The following SNX18 variants were observed in gnomAD, a reference collection of about 807,000 sequenced individuals.
SNX18 encodes sorting nexin 18, also known as sorting nexin-18.
Under a neutral mutation model 48.7 loss-of-function variants are expected in SNX18, and 35 were observed. The ratio of observed to expected loss-of-function variants is 0.72; its 90% CI spans 0.55 to 0.95. The LOEUF is 0.95. Ranked by LOEUF, SNX18 falls within the 40% of genes least tolerant of loss-of-function variation. The probability of loss-of-function intolerance (pLI) is 0.00; values close to 1 mark genes in which losing one functional copy is unlikely to be tolerated. For missense variants in SNX18, 824 were observed against 871.0 expected, an observed-to-expected ratio of 0.95 and a Z score of 0.68; for synonymous variants, 492 against 384.7, an observed-to-expected ratio of 1.28 and a Z score of -3.26.
intron 1 of SNX18, among the ~76,000 whole-genome samples, chr5:54,530,868 C>T (rs543811271): frequency 2.7e-5 from 4 of 149,718 alleles, no homozygotes; most frequent in East Asian, 2.0e-4. Context: ...TCTCCTGCCT[C>T]GGCCTCCTGA....
chr5:54,569,953 A>T, the SNX18 span, among the ~76,000 whole-genome samples: 1 of 152,072 alleles, frequency 6.6e-6, no homozygotes, highest in Admixed American at 6.6e-5. Context: ...TTATTTTTTT[A>T]TATATATAAC....
chr5:54,614,864 T>A, the SNX18 span, among the ~76,000 whole-genome samples: 2 of 152,140 alleles, frequency 1.3e-5, no homozygotes, highest in African/African-American at 4.8e-5. Flanking sequence ...CTATTCCAGG[T>A]ACTGTCTTAA....
chr5:54,578,471 C>T, the SNX18 span, among the ~76,000 whole-genome samples: 4 of 152,170 alleles, frequency 2.6e-5, no homozygotes, highest in African/African-American at 7.2e-5. Flanking sequence ...TCCAAGGAAG[C>T]CTGGGGTCAG....
chr5:54,548,095 G>T (rs1166010751), downstream of SNX18, among the ~76,000 whole-genome samples: 1 of 152,114 alleles, frequency 6.6e-6, no homozygotes, highest in Non-Finnish European at 1.5e-5. Context: ...GCCTTTCCAG[G>T]GATCACAAGT....
the SNX18 span, among the ~76,000 whole-genome samples, chr5:54,587,089 T>A: frequency 6.6e-6 from 1 of 152,110 alleles, no homozygotes. Flanking sequence ...GAACAGATAT[T>A]CCCCTGGGAT....
At chr5:54,638,766 G>A in the SNX18 span, among the ~76,000 whole-genome samples, 1 of 152,076 alleles carries the variant, frequency 6.6e-6, no homozygotes, top group African/African-American at 2.4e-5. Flanking sequence ...AAGAAAACAA[G>A]CATAGAGAGA....
the SNX18 span, among the ~76,000 whole-genome samples, chr5:54,622,114 T>C: frequency 6.6e-6 from 1 of 152,252 alleles, no homozygotes; most frequent in Non-Finnish European, 1.5e-5. Context: ...AAAATGATGC[T>C]ATTTATTTGT....
chr5:54,519,349 A>G lies in SNX18; in HGVS notation c.1397A>G (p.Lys466Arg). Residue 466 changes from lysine (K) to arginine (R), a missense_variant, in exon 1 of 2, where the codon AAG becomes AGG. By Grantham distance (26) the Lys-to-Arg change is conservative. Around this residue, in one of 3 missense-constraint regions of SNX18, gnomAD observed 443 missense variants for 503.6 expected, o/e 0.88. Coordinates refer to ENST00000381410, the MANE Select transcript of SNX18 (RefSeq NM_001102575.2). The stretch of plus-strand genomic sequence containing the variant: ...ACCGGCTTCAAAAAGGAGTATCAGA[A>G]GGTGGGCCAGTCCTTCCGCGGCCTC... ...QVTGFKKEYQKVGQSFRGLSQ... is the reference protein window; with the variant it reads ...QVTGFKKEYQRVGQSFRGLSQ... 1 of 1,613,430 alleles carries G rather than the reference A, an allele frequency of 6.2e-7. No individual in the cohort carries two copies. The highest frequency in any genetic ancestry group is 8.5e-7 in the Non-Finnish European group (1 of 1,179,552).
chr5:54,542,158 A>G (rs1253256862), intron 1 of SNX18, among the ~76,000 whole-genome samples: 2 of 151,942 alleles, frequency 1.3e-5, no homozygotes, highest in African/African-American at 4.8e-5. Context: ...CTTTATTACT[A>G]CTCATTCCTA....
At chr5:54,625,549 G>A in the SNX18 span, among the ~76,000 whole-genome samples, 4 of 152,072 alleles carry the variant, frequency 2.6e-5, no homozygotes, top group African/African-American at 9.7e-5. Flanking sequence ...GAGACAGGGT[G>A]GGCAAGGCAG....
At chr5:54,644,068 G>A in the SNX18 span, 1 of 152,178 alleles carries the variant, frequency 6.6e-6, no homozygotes, top group Non-Finnish European at 1.5e-5. Context: ...CATAACCTTA[G>A]GGACAATAAG....
rs1461464495 is a variant in SNX18 at position 54,543,423 on chromosome 5, T to C, written c.1866T>C (p.Asp622=). ...TGGAAGAAGCTCTTCACAAATATGA[T>C]AGTGTTTAATGACTGGACGTTGGAT... ...QKLEEALHKY[D]SV Residue 622 remains aspartate (D), a synonymous_variant, in exon 2 of 2, where the codon GAT becomes GAC. Coordinates refer to ENST00000381410, the MANE Select transcript of SNX18 (RefSeq NM_001102575.2). The C allele has an allele frequency of 6.2e-7, 1 of 1,613,756 alleles. No homozygotes were observed. Among genetic ancestry groups the C allele is most frequent in the Non-Finnish European group, 8.5e-7 (1 of 1,179,854 alleles).
chr5:54,644,431 T>C, the SNX18 span: 1 of 152,066 alleles, frequency 6.6e-6, no homozygotes, highest in Non-Finnish European at 1.5e-5. Context: ...CACGGGTGAG[T>C]AACAGGTGAT....
At chr5:54,610,622 A>G in the SNX18 span, among the ~76,000 whole-genome samples, 1 of 152,366 alleles carries the variant, frequency 6.6e-6, no homozygotes, top group African/African-American at 2.4e-5. Context: ...GATTATTTGC[A>G]TAATGTTATT....
At chr5:54,634,094 G>A in the SNX18 span, among the ~76,000 whole-genome samples, 1 of 152,182 alleles carries the variant, frequency 6.6e-6, no homozygotes, top group Non-Finnish European at 1.5e-5. Context: ...ATCTTAAGGA[G>A]TTTGTTGGTC....
the SNX18 span, among the ~76,000 whole-genome samples, chr5:54,554,292 A>C: frequency 6.6e-6 from 1 of 152,208 alleles, no homozygotes; most frequent in Non-Finnish European, 1.5e-5. Context: ...AGCTTTAAAA[A>C]TATTACAGTG....
chr5:54,580,133 G>C, the SNX18 span, among the ~76,000 whole-genome samples: 4 of 152,060 alleles, frequency 2.6e-5, no homozygotes, highest in Non-Finnish European at 5.9e-5. Flanking sequence ...GAGAGAGAAA[G>C]AGCAAGAGAG....
At chr5:54,583,383 G>T in the SNX18 span, among the ~76,000 whole-genome samples, 9,225 of 152,308 alleles carry the variant, frequency 0.061, 379 homozygotes, top group South Asian at 0.15. Flanking sequence ...GCTCATTTCA[G>T]ATCTGGCTCT....
the SNX18 span, among the ~76,000 whole-genome samples, chr5:54,561,917 G>T: frequency 1.3e-5 from 2 of 152,122 alleles, no homozygotes; most frequent in Non-Finnish European, 2.9e-5. Context: ...ATTAAAGTTT[G>T]ATATTTTTTC....
Sources: gnomAD v4.1 joint callset for allele counts (sites outside exome capture counted in the v4.1 genomes callset) on GRCh38, gnomAD v4.1.1 for gene constraint, gnomAD v4.1.1 regional missense constraint, MANE v1.5 for transcripts, NCBI Gene and HGNC (gene_info 2026-07-23, HGNC 2026-07-21) for gene names.